SGCZ: variants seen among roughly 807,000 people sequenced by gnomAD.
SGCZ encodes sarcoglycan zeta.
A neutral mutation model predicts 41.3 loss-of-function variants in SGCZ; 40 were observed. That is an observed-to-expected ratio of 0.97 (90% CI 0.75 to 1.26). The LOEUF (loss-of-function observed/expected upper bound fraction) is 1.26. SGCZ is among the 50% of genes most tolerant of loss of function. The pLI is 0.00. For synonymous variants in SGCZ, 206 were observed against 137.5 expected (o/e 1.50, Z -3.49); for missense variants, 552 against 369.8 (o/e 1.49, Z -4.04).
chr8:14,288,937 C>G (rs117212616), intron 3 of SGCZ, among the ~76,000 whole-genome samples: 2 of 152,064 alleles, frequency 1.3e-5, no homozygotes, highest in African/African-American at 2.4e-5. Context: ...TTCACCAGTA[C>G]TTGTTATTTT....
At chr8:14,876,088 T>A (rs1262197176) in intron 1 of SGCZ, among the ~76,000 whole-genome samples, 1 of 152,112 alleles carries the variant, frequency 6.6e-6, no homozygotes, top group Non-Finnish European at 1.5e-5. Context: ...AGCTCAGTGG[T>A]GTGGTAGCCA....
At chr8:14,986,360 A>G (rs1801825464) in intron 1 of SGCZ, among the ~76,000 whole-genome samples, 1 of 152,074 alleles carries the variant, frequency 6.6e-6, no homozygotes, top group East Asian at 1.9e-4. Context: ...CACACAAAAT[A>G]TCTCTAAAAA....
intron 1 of SGCZ, among the ~76,000 whole-genome samples, chr8:14,565,742 G>A (rs1242516135): frequency 6.6e-6 from 1 of 151,884 alleles, no homozygotes; most frequent in Non-Finnish European, 1.5e-5. Flanking sequence ...AAAGAGGAGG[G>A]GATATTGTCT....
intron 2 of SGCZ, among the ~76,000 whole-genome samples, chr8:14,481,540 C>A (rs1326404811): frequency 6.6e-6 from 1 of 152,070 alleles, no homozygotes; most frequent in African/African-American, 2.4e-5. Context: ...TTCCTTTAGA[C>A]CCCATTATCT....
intron 1 of SGCZ, among the ~76,000 whole-genome samples, chr8:14,653,724 C>T (rs955679671): frequency 7.0e-6 from 1 of 142,940 alleles, no homozygotes; most frequent in Non-Finnish European, 1.5e-5. Context: ...AGACATAATC[C>T]AAACAGTTTT....
intron 2 of SGCZ, among the ~76,000 whole-genome samples, chr8:14,531,426 C>T (rs1349781375): frequency 6.6e-6 from 1 of 151,940 alleles, no homozygotes; most frequent in African/African-American, 2.4e-5. Context: ...AATGAAAAAC[C>T]TGTAACATTC....
intron 1 of SGCZ, among the ~76,000 whole-genome samples, chr8:14,952,342 T>A (rs1484276407): frequency 6.6e-6 from 1 of 152,064 alleles, no homozygotes. Context: ...GGTTTTTCCT[T>A]TTTTTTCCTA....
intron 2 of SGCZ, among the ~76,000 whole-genome samples, chr8:14,548,739 G>A (rs1054613511): frequency 6.6e-6 from 1 of 152,084 alleles, no homozygotes; most frequent in South Asian, 2.1e-4. Flanking sequence ...ATGTGCCTGT[G>A]CATGTGTATG....
intron 4 of SGCZ, among the ~76,000 whole-genome samples, chr8:14,209,548 A>G (rs1174482574): frequency 6.6e-6 from 1 of 152,026 alleles, no homozygotes; most frequent in African/African-American, 2.4e-5. Context: ...AGAATAACCA[A>G]ATAATGGAAT....
intron 1 of SGCZ, among the ~76,000 whole-genome samples, chr8:14,655,303 G>A (rs1401001297): frequency 6.6e-6 from 1 of 151,896 alleles, no homozygotes; most frequent in African/African-American, 2.4e-5. Flanking sequence ...GCTTGTAGAA[G>A]GTGTTCATAT....
At chr8:14,590,786 T>A (rs1380694508) in intron 1 of SGCZ, among the ~76,000 whole-genome samples, 1 of 148,144 alleles carries the variant, frequency 6.8e-6, no homozygotes, top group Non-Finnish European at 1.5e-5. Flanking sequence ...ATAGTATCTG[T>A]ACTTTATAAT....
At chr8:14,532,973 C>G (rs1399321237) in intron 2 of SGCZ, among the ~76,000 whole-genome samples, 2 of 151,888 alleles carry the variant, frequency 1.3e-5, no homozygotes, top group Non-Finnish European at 2.9e-5. Context: ...ATTTTTCCCT[C>G]TACAATCAAA....
At chr8:14,867,523 G>A in intron 1 of SGCZ, among the ~76,000 whole-genome samples, 1 of 151,766 alleles carries the variant, frequency 6.6e-6, no homozygotes, top group East Asian at 1.9e-4. Flanking sequence ...TTGAGGAATT[G>A]CCACTCTTTC....
At chr8:14,830,494 C>T (rs751035853) in intron 1 of SGCZ, among the ~76,000 whole-genome samples, 4 of 151,928 alleles carry the variant, frequency 2.6e-5, no homozygotes, top group African/African-American at 7.3e-5. Context: ...CTACATATAC[C>T]TATTAGAATA....
intron 1 of SGCZ, among the ~76,000 whole-genome samples, chr8:14,601,859 G>A (rs1298870751): frequency 2.6e-5 from 4 of 152,108 alleles, no homozygotes; most frequent in Non-Finnish European, 4.4e-5. Flanking sequence ...GGTGGCTCAC[G>A]CCTGTAATCC....
intron 2 of SGCZ, among the ~76,000 whole-genome samples, chr8:14,354,261 G>A (rs1803210891): frequency 6.6e-6 from 1 of 151,832 alleles, no homozygotes; most frequent in Admixed American, 6.6e-5. Flanking sequence ...TTGAATGACT[G>A]ATTAGTCAGT....
chr8:14,963,002 G>T (rs1256641959), intron 1 of SGCZ, among the ~76,000 whole-genome samples: 3 of 152,130 alleles, frequency 2.0e-5, no homozygotes, highest in African/African-American at 7.2e-5. Flanking sequence ...AATAGGAGGA[G>T]CAAGTTAAAG....
chr8:14,269,800 T>C (rs751802970), intron 3 of SGCZ, among the ~76,000 whole-genome samples: 2 of 152,188 alleles, frequency 1.3e-5, no homozygotes, highest in Non-Finnish European at 2.9e-5. Context: ...AGCCCAGGTT[T>C]GACTGGGTCA....
At position 15,076,941 on chromosome 8, in the gene SGCZ, T is replaced by C. The variant is rs978357107; in HGVS notation, c.39+160644A>G. ...ATAGAATATGCTTCATGTCAATTGA[T>C]TGGGACTTTAAAAGCTATGAGATTT... On this transcript the variant is annotated intron_variant, in intron 1 of 7. Transcript: ENST00000382080. 1.3e-4 allele frequency among the ~76,000 whole-genome samples: 20 copies of C among 152,172 alleles called. 1 individual carries two copies. The highest frequency in any genetic ancestry group is 4.1e-4 in the African/African-American group (17 of 41,430).
Sources: gnomAD v4.1 joint callset for allele counts (sites outside exome capture counted in the v4.1 genomes callset) on GRCh38, gnomAD v4.1.1 for gene constraint, MANE v1.5 for transcripts, NCBI Gene and HGNC (gene_info 2026-07-23, HGNC 2026-07-21) for gene names.